MPHOSPH8: variants seen among roughly 807,000 people sequenced by gnomAD.
MPHOSPH8 encodes M-phase phosphoprotein, mpp.
A neutral mutation model predicts 87.3 loss-of-function variants in MPHOSPH8; 45 were observed. The ratio of observed to expected loss-of-function variants is 0.52; its 90% CI spans 0.41 to 0.66. MPHOSPH8 has a LOEUF of 0.66. Among genes scored for constraint, MPHOSPH8 ranks in the 30% least tolerant of loss-of-function variants. The pLI, the probability that MPHOSPH8 is intolerant of heterozygous loss-of-function variation, is 0.00. For missense variants in MPHOSPH8, 883 were observed against 1,020.2 expected (o/e 0.87, Z 1.83); for synonymous variants, 366 against 376.9 (o/e 0.97, Z 0.33).
chr13:19,643,784 G>A (rs1420852107), intron 2 of MPHOSPH8, among the ~76,000 whole-genome samples: 1 of 151,996 alleles, frequency 6.6e-6, no homozygotes, highest in Non-Finnish European at 1.5e-5. Context: ...CCCACTCAGG[G>A]TAGCACTGCT....
In MPHOSPH8 at chr13:19,663,181, T is replaced by C. The variant is rs1215630600; in HGVS notation, c.2019+55T>C. 7.6e-6 allele frequency: 11 copies of C among 1,440,252 alleles called. No homozygotes were observed. The Admixed American group carries it at 1.9e-4, about 24-fold the overall frequency. The allele number at this position is 1,440,252 out of a possible 1,614,324, so 89.2% of individuals were successfully genotyped here. A position where few individuals can be genotyped will look rare whatever the true frequency, so the allele number is the denominator to read the frequency against. On this transcript the variant is annotated intron_variant, in intron 9 of 13. Transcript: ENST00000361479. ...TTCACTACGTTGGCAGGTGCTCGTG[T>C]TGGCATCTGCCACTGCCAGGCACTG...
chr13:19,670,395 TACATTCTTCTAATCAAAAGC>T, intron 12 of MPHOSPH8, 32 bp downstream of exon 12: 1 of 1,599,646 alleles, frequency 6.3e-7, no homozygotes, highest in South Asian at 1.1e-5. Flanking sequence ...TACTGAAAAG[TACATTCTTCTAATCAAAAGC>T]ACAGATGACT....
At chr13:19,664,145 T>C (rs1460136568) in intron 9 of MPHOSPH8, among the ~76,000 whole-genome samples, 2 of 152,014 alleles carry the variant, frequency 1.3e-5, no homozygotes, top group Admixed American at 1.3e-4. Context: ...CACCCAGCCA[T>C]TTTTTTTCTT....
At chr13:19,670,733 G>T (rs546547907) in intron 12 of MPHOSPH8, 10 of 1,179,738 alleles carry the variant, frequency 8.5e-6, no homozygotes, top group Non-Finnish European at 1.1e-5. Context: ...CACTTGTACT[G>T]TATATTGCTG....
intron 13 of MPHOSPH8, among the ~76,000 whole-genome samples, chr13:19,671,623 T>C (rs1876131630): frequency 6.6e-6 from 1 of 152,184 alleles, no homozygotes; most frequent in Non-Finnish European, 1.5e-5. Context: ...CTGGACAAAA[T>C]AGTCTCTCTA....
intron 2 of MPHOSPH8, among the ~76,000 whole-genome samples, chr13:19,642,700 C>A (rs945851679): frequency 1.1e-4 from 16 of 148,444 alleles, no homozygotes; most frequent in African/African-American, 1.5e-4. Context: ...AAAAAAAAAA[C>A]AACTTAGAAC....
At chr13:19,635,368 AAAT>A (rs1352692974) in intron 1 of MPHOSPH8, among the ~76,000 whole-genome samples, 3 of 152,138 alleles carry the variant, frequency 2.0e-5, no homozygotes, top group Non-Finnish European at 2.9e-5. Context: ...AAACACAAAA[AAAT>A]ACAAAAATTA....
intron 1 of MPHOSPH8, among the ~76,000 whole-genome samples, chr13:19,640,772 C>G (rs1310972091): frequency 1.3e-5 from 2 of 151,866 alleles, no homozygotes; most frequent in African/African-American, 4.8e-5. Context: ...GATATTACAG[C>G]TTTATTTATA....
At chr13:19,656,008 G>A (rs1875142974) in intron 5 of MPHOSPH8, among the ~76,000 whole-genome samples, 1 of 152,126 alleles carries the variant, frequency 6.6e-6, no homozygotes, top group African/African-American at 2.4e-5. Flanking sequence ...GCTGAAGCAG[G>A]ATAATCGCTT....
intron 12 of MPHOSPH8, 136 bp downstream of exon 12, chr13:19,670,499 G>T: frequency 9.5e-7 from 1 of 1,054,034 alleles, no homozygotes; most frequent in Non-Finnish European, 1.3e-6. Context: ...TTGGGAATGA[G>T]GCAATACCCA....
chr13:19,650,205 T>A lies in MPHOSPH8; in HGVS notation c.1521T>A (p.Ala507=). The A allele has an allele frequency of 5.0e-6, 8 of 1,614,190 alleles. No homozygotes were observed. The highest frequency in any genetic ancestry group is 6.8e-6 in the Non-Finnish European group (8 of 1,180,032). The change falls in exon 5 of 14, where the codon GCT becomes GCA. Residue 507 remains alanine, a synonymous_variant. Coordinates refer to ENST00000361479, the MANE Select transcript of MPHOSPH8 (RefSeq NM_017520.4). ...RDETDTWAYI[A]AEGDQEVLDS... is the part of the protein sequence containing the mutation. ...AAACGGATACTTGGGCATACATTGC[T>A]GCAGAAGGTGATCAGGAGGTTTTAG...
chr13:19,669,946 A>T (rs1470914692), intron 11 of MPHOSPH8, among the ~76,000 whole-genome samples: 1 of 152,244 alleles, frequency 6.6e-6, no homozygotes, highest in African/African-American at 2.4e-5. Flanking sequence ...ATTCAGCAGC[A>T]GTGTTTAAAT....
At chr13:19,662,856 G>T (rs1205658628) in intron 8 of MPHOSPH8, among the ~76,000 whole-genome samples, 184 bp from the exon 9 acceptor site, 2 of 152,234 alleles carry the variant, frequency 1.3e-5, no homozygotes, top group African/African-American at 4.8e-5. Flanking sequence ...CACAGTGAGT[G>T]GCCACGTTTG....
chr13:19,640,490 C>T (rs1386706346), intron 1 of MPHOSPH8, among the ~76,000 whole-genome samples: 1 of 151,598 alleles, frequency 6.6e-6, no homozygotes, highest in African/African-American at 2.4e-5. Context: ...TAAATTGGAG[C>T]ATTTTTTCTG....
At chr13:19,652,918 C>G (rs972555354) in intron 5 of MPHOSPH8, among the ~76,000 whole-genome samples, 4 of 152,184 alleles carry the variant, frequency 2.6e-5, no homozygotes, top group Non-Finnish European at 5.9e-5. Context: ...GGAAAAAAGG[C>G]GGCAGCCACA....
At position 19,659,035 on chromosome 13, in the gene MPHOSPH8, G is replaced by T; in HGVS notation, c.1617G>T (p.Gln539His). 1 of 1,614,158 alleles carries T rather than the reference G, an allele frequency of 6.2e-7. No homozygotes were observed. The highest frequency in any genetic ancestry group is 8.5e-7 in the Non-Finnish European group (1 of 1,180,018). The part of the protein sequence containing the change: ...QQILSLGMDL[Q>H]LEWMKLEDFQ... Reference sequence around the variant, plus strand: ...TTCTGAGTTTGGGCATGGACCTGCAGTTGGAATGGATGAAGTTGGAAGATT... The same window carrying T: ...TTCTGAGTTTGGGCATGGACCTGCATTTGGAATGGATGAAGTTGGAAGATT... Residue 539 changes from glutamine to histidine, a missense_variant, in exon 6 of 14, where the codon CAG becomes CAT. By Grantham distance (24) the Gln-to-His change is conservative. Coordinates refer to ENST00000361479, the MANE Select transcript of MPHOSPH8 (RefSeq NM_017520.4).
chr13:19,636,995 A>G (rs375824055), intron 1 of MPHOSPH8, among the ~76,000 whole-genome samples: 4 of 152,306 alleles, frequency 2.6e-5, no homozygotes, highest in African/African-American at 9.6e-5. Context: ...TTTTGGATTT[A>G]CATGACTCCA....
chr13:19,658,531 G>A (rs1250196845), intron 5 of MPHOSPH8, among the ~76,000 whole-genome samples: 1 of 152,172 alleles, frequency 6.6e-6, no homozygotes, highest in Non-Finnish European at 1.5e-5. Flanking sequence ...AGGGGCCTGT[G>A]GGAGTCTGGA....
At chr13:19,670,501 C>G in intron 12 of MPHOSPH8, 138 bp downstream of exon 12, 1 of 1,046,172 alleles carries the variant, frequency 9.6e-7, no homozygotes, top group Non-Finnish European at 1.3e-6. Flanking sequence ...GGGAATGAGG[C>G]AATACCCATA....
Sources: allele counts gnomAD v4.1 joint callset (sites outside exome capture counted in the v4.1 genomes callset), GRCh38; gene constraint gnomAD v4.1.1; transcripts MANE v1.5; gene names NCBI Gene and HGNC (gene_info 2026-07-23, HGNC 2026-07-21).